The following ZSWIM2 variants were observed in gnomAD, a reference collection of about 807,000 sequenced individuals.
ZSWIM2 encodes the protein E3 ubiquitin-protein ligase ZSWIM2.
ZSWIM2 carries 38 observed loss-of-function variants against 48.4 expected under a neutral mutation model. The ratio of observed to expected loss-of-function variants is 0.79; its 90% confidence interval spans 0.61 to 1.03. ZSWIM2 has a LOEUF of 1.03. ZSWIM2 is among the 50% of genes least tolerant of loss of function. The pLI is 0.00. For missense variants in ZSWIM2, 776 were observed against 730.2 expected, an observed-to-expected ratio of 1.06 and a Z score of -0.72; for synonymous variants, 240 against 251.3, an observed-to-expected ratio of 0.96 and a Z score of 0.42.
intron 3 of ZSWIM2, among the ~76,000 whole-genome samples, chr2:186,843,599 C>A (rs1263122685): frequency 6.6e-6 from 1 of 151,604 alleles, no homozygotes; most frequent in African/African-American, 2.4e-5. Flanking sequence ...GAGAGAATAT[C>A]AAGGTTTACA....
intron 2 of ZSWIM2, among the ~76,000 whole-genome samples, chr2:186,846,196 A>G (rs1559116891): frequency 6.6e-6 from 1 of 152,004 alleles, no homozygotes; most frequent in Non-Finnish European, 1.5e-5. Context: ...TGAACAGACA[A>G]CCTAAAGAAT....
chr2:186,836,266 G>A (rs945027947), intron 5 of ZSWIM2, among the ~76,000 whole-genome samples: 4 of 151,940 alleles, frequency 2.6e-5, no homozygotes, highest in African/African-American at 7.3e-5. Context: ...CAAAGATCAA[G>A]TCCTTCCTTT....
At chr2:186,834,153 G>A (rs1424359477) in intron 5 of ZSWIM2, 123 bp from the exon 6 acceptor site, 1 of 664,724 alleles carries the variant, frequency 1.5e-6, no homozygotes. Flanking sequence ...TTCACCTCAA[G>A]TCACACTGTG....
rs2105822832 is a variant in ZSWIM2 at position 186,844,709 on chromosome 2, A to G, written c.283+8T>C. 1 of 1,556,088 alleles carries G rather than the reference A, an allele frequency of 6.4e-7. No homozygotes were observed. Among genetic ancestry groups the G allele is most frequent in the Non-Finnish European group, 8.6e-7 (1 of 1,158,480 alleles). Reference sequence around the variant, plus strand: ...AAAAACACAAAAAACCCAAACCCCAAAACTTACATTCATGGTTCCTTGGAA... The same window carrying G: ...AAAAACACAAAAAACCCAAACCCCAGAACTTACATTCATGGTTCCTTGGAA... On this transcript the variant is annotated splice_region_variant and intron_variant, in intron 3 of 8. Transcript: ENST00000295131.
At position 186,834,065 on chromosome 2, in the gene ZSWIM2, A is replaced by C. The variant is rs751530680; in HGVS notation, c.744-35T>G. 5.2e-6 allele frequency: 8 copies of C among 1,528,544 alleles called. No homozygotes were observed. In the South Asian group the frequency reaches 8.0e-5, roughly 15 times the overall value. The allele number at this position is 1,528,544 out of a possible 1,614,324, so 94.7% of individuals were successfully genotyped here. On this transcript the variant is annotated intron_variant, in intron 5 of 8. Coordinates refer to ENST00000295131, the MANE Select transcript of ZSWIM2 (RefSeq NM_182521.3). ...CAAAACATCAAAACACGCAAGAAAA[A>C]AAAATCCAATTATTGTGATGGTTTT...
chr2:186,846,200 A>G (rs1691997278), intron 2 of ZSWIM2, among the ~76,000 whole-genome samples: 1 of 152,016 alleles, frequency 6.6e-6, no homozygotes, highest in Non-Finnish European at 1.5e-5. Flanking sequence ...CAGACAACCT[A>G]AAGAATGTTA....
chr2:186,830,891 A>G (rs778200153), intron 7 of ZSWIM2, among the ~76,000 whole-genome samples: 1 of 152,204 alleles, frequency 6.6e-6, no homozygotes, highest in Non-Finnish European at 1.5e-5. Flanking sequence ...GTCATTCAGA[A>G]CAAAGTTCAA....
At chr2:186,830,139 G>A (rs1230959550) in intron 7 of ZSWIM2, among the ~76,000 whole-genome samples, 4 of 152,132 alleles carry the variant, frequency 2.6e-5, no homozygotes, top group Admixed American at 6.6e-5. Context: ...AGCACTTCTG[G>A]GAGACTGAGG....
At chr2:186,833,741 G>T (rs1691744727) in intron 6 of ZSWIM2, among the ~76,000 whole-genome samples, 1 of 152,094 alleles carries the variant, frequency 6.6e-6, no homozygotes, top group Non-Finnish European at 1.5e-5. Flanking sequence ...TATAGTATTA[G>T]ATTTTATAAA....
intron 1 of ZSWIM2, 179 bp downstream of exon 1, chr2:186,848,787 T>C: frequency 1.3e-6 from 1 of 742,268 alleles, no homozygotes. Context: ...TAAATACTAT[T>C]TCCTTCTGTA....
At position 186,832,413 on chromosome 2, in the gene ZSWIM2, C is replaced by T. The variant is rs569183868; in HGVS notation, c.941+707G>A. Among the ~76,000 whole-genome samples, 25 of 152,116 alleles carry T rather than the reference C, an allele frequency of 1.6e-4. No individual in the cohort carries two copies. In the Middle Eastern group the frequency reaches 0.01, roughly 62 times the overall value. On this transcript the variant is annotated intron_variant, in intron 7 of 8. Transcript: ENST00000295131. ...CTAGGATTACAGGCGTGAGCCACAG[C>T]GCCCGGCCTAAATTTTCTGTAATTG...
intron 4 of ZSWIM2, among the ~76,000 whole-genome samples, chr2:186,838,148 A>G (rs1245848594): frequency 2.6e-5 from 4 of 151,548 alleles, no homozygotes; most frequent in Admixed American, 2.6e-4. Context: ...GACTGTCCAA[A>G]TTTTTCAAGT....
intron 3 of ZSWIM2, among the ~76,000 whole-genome samples, chr2:186,839,897 C>T (rs1237218162): frequency 6.6e-6 from 1 of 151,574 alleles, no homozygotes; most frequent in Non-Finnish European, 1.5e-5. Context: ...TGCTGCTTCC[C>T]CCTTCCATCT....
intron 4 of ZSWIM2, 32 bp downstream of exon 4, chr2:186,838,927 A>T (rs754268070): frequency 1.9e-6 from 3 of 1,567,650 alleles, no homozygotes; most frequent in Non-Finnish European, 2.6e-6. Context: ...ATTTTTAATT[A>T]GTTTTAAGAA....
intron 2 of ZSWIM2, among the ~76,000 whole-genome samples, chr2:186,846,771 A>C (rs1692009316): frequency 7.1e-6 from 1 of 141,734 alleles, no homozygotes; most frequent in South Asian, 2.3e-4. Flanking sequence ...CACATTAATA[A>C]AATGTGTGTA....
At position 186,833,940 on chromosome 2, in the gene ZSWIM2, C is replaced by T; in HGVS notation, c.828+6G>A. On this transcript the variant is annotated splice_donor_region_variant and intron_variant, in intron 6 of 8. Coordinates refer to ENST00000295131, the MANE Select transcript of ZSWIM2 (RefSeq NM_182521.3). The stretch of plus-strand genomic sequence containing the variant: ...CACTGTATTAGATTCAAGATGGATA[C>T]TGTACCTCACGAAATGTAAACGTGT... The T allele has an allele frequency of 1.9e-6, 3 of 1,608,558 alleles. No individual in the cohort carries two copies. Among genetic ancestry groups the T allele is most frequent in the African/African-American group, 1.3e-5 (1 of 74,734 alleles).
intron 5 of ZSWIM2, among the ~76,000 whole-genome samples, chr2:186,836,528 C>A (rs1281949403): frequency 6.6e-6 from 1 of 151,826 alleles, no homozygotes; most frequent in Admixed American, 6.6e-5. Flanking sequence ...GGTTTTATGA[C>A]AGAGTTTTAA....
At position 186,828,379 on chromosome 2, in the gene ZSWIM2, C is replaced by G. The variant is rs766394609; in HGVS notation, c.1507G>C (p.Val503Leu). 1 of 1,613,692 alleles carries G rather than the reference C, an allele frequency of 6.2e-7. No homozygotes were observed. The highest frequency in any genetic ancestry group is 2.2e-5 in the East Asian group (1 of 44,856). ...FPRYLQDLPT[V>L]SFGKIPSQTL... ...TGAGATGGTATTTTCCCAAATGACA[C>G]AGTGGGTAAATCTTGAAGATACCTG... Residue 503 changes from valine (V) to leucine (L), a missense_variant, in exon 9 of 9, where the codon GTG (valine) becomes CTG (leucine). Physicochemically the swap from Val to Leu is conservative, Grantham distance 32. Coordinates refer to ENST00000295131, the MANE Select transcript of ZSWIM2 (RefSeq NM_182521.3).
At chr2:186,841,090 C>T (rs746401834) in intron 3 of ZSWIM2, among the ~76,000 whole-genome samples, 4 of 151,346 alleles carry the variant, frequency 2.6e-5, no homozygotes, top group Admixed American at 6.6e-5. Flanking sequence ...TATTTGTTTG[C>T]CTTATGTTAT....
Sources: allele counts gnomAD v4.1 joint callset (sites outside exome capture counted in the v4.1 genomes callset), GRCh38; gene constraint gnomAD v4.1.1; transcripts MANE v1.5; gene names NCBI Gene and HGNC (gene_info 2026-07-23, HGNC 2026-07-21).